The following SKIL variants were observed in gnomAD, a reference collection of about 807,000 sequenced individuals.
SKIL encodes the protein ski-like protein.
SKIL carries 20 observed loss-of-function variants against 69.6 expected under a neutral mutation model. The observed-to-expected ratio is 0.29, with a 90% CI of 0.20 to 0.42. SKIL has a LOEUF of 0.42. SKIL is among the 10% of genes least tolerant of loss of function. SKIL has a pLI of 1.00. For missense variants in SKIL, 745 were observed against 783.1 expected, an observed-to-expected ratio of 0.95 and a Z score of 0.58; for synonymous variants, 310 against 279.9, an observed-to-expected ratio of 1.11 and a Z score of -1.08.
chr3:170,367,218 C>T (rs1233599107), intron 2 of SKIL, among the ~76,000 whole-genome samples: 1 of 151,954 alleles, frequency 6.6e-6, no homozygotes, highest in South Asian at 2.1e-4. Context: ...ACGCCATTCT[C>T]CTGCCTCAGC....
chr3:170,362,389 G>A (rs1208133214), intron 2 of SKIL, among the ~76,000 whole-genome samples: 3 of 151,998 alleles, frequency 2.0e-5, no homozygotes, highest in Non-Finnish European at 2.9e-5. Flanking sequence ...TGTAATCCCA[G>A]CTACTCAGGA....
At position 170,365,707 on chromosome 3, in the gene SKIL, G is replaced by A. The variant is rs181370065; in HGVS notation, c.1098+4278G>A. On this transcript the variant is annotated intron_variant, in intron 2 of 6. Transcript: ENST00000259119. The stretch of plus-strand genomic sequence containing the variant: ...AGTCATTGAGTTGGTTGCCAAACAA[G>A]CCAAATTGACCCAGAGGGAGCTCAT... Among the ~76,000 whole-genome samples the A allele has an allele frequency of 1.2e-3, 175 of 149,298 alleles. 1 individual carries two copies. The highest frequency in any genetic ancestry group is 3.3e-3 in the Admixed American group (49 of 15,012).
Position 170,360,369 on chromosome 3 carries a change from G to T in SKIL, c.38G>T (p.Gly13Val), listed in dbSNP as rs1295772196. The change falls in exon 2 of 7, where the codon GGC (glycine) becomes GTC (valine). Residue 13 changes from glycine to valine, a missense_variant. Physicochemically the swap from Gly to Val is moderately radical, Grantham distance 109. Coordinates refer to ENST00000259119, the MANE Select transcript of SKIL (RefSeq NM_005414.5). ...NLQTNFSLVQ[G>V]STKKLNGMGD... Reference sequence around the variant, plus strand: ...CAGACAAATTTCTCCTTGGTTCAGGGCTCAACTAAAAAACTGAATGGGATG... The same window carrying T: ...CAGACAAATTTCTCCTTGGTTCAGGTCTCAACTAAAAAACTGAATGGGATG... The T allele has an allele frequency of 1.3e-6, 2 of 1,593,494 alleles. No homozygotes were observed. The highest frequency in any genetic ancestry group is 2.7e-5 in the African/African-American group (2 of 74,236).
In SKIL at chr3:170,361,424, T is replaced by C; in HGVS notation, c.1093T>C (p.Ser365Pro). 1 of 1,557,728 alleles carries C rather than the reference T, an allele frequency of 6.4e-7. No individual in the cohort carries two copies. The highest frequency in any genetic ancestry group is 8.6e-7 in the Non-Finnish European group (1 of 1,158,474). The change falls in exon 2 of 7, where the codon TCC becomes CCC. Residue 365 changes from serine to proline, a missense_variant. Ser to Pro is a moderately conservative substitution (Grantham distance 74, BLOSUM62 -1). Coordinates refer to ENST00000259119, the MANE Select transcript of SKIL (RefSeq NM_005414.5). ...FSMRSGKRNQSKTDAPSGMEL... is the reference protein window; with the variant it reads ...FSMRSGKRNQPKTDAPSGMEL... ...CATGAGAAGTGGAAAGAGAAATCAA[T>C]CCAAGGCAAGTTTTTTATATCAATT... is the stretch of plus-strand genomic sequence containing the variant.
intron 4 of SKIL, among the ~76,000 whole-genome samples, chr3:170,386,119 GTTTT>G (rs995960130): frequency 1.2e-4 from 18 of 148,892 alleles, no homozygotes; most frequent in African/African-American, 4.5e-4. Context: ...GGGTTTTCTG[GTTTT>G]TTTGTTTGTT....
At chr3:170,371,320 G>A (rs573595964) in intron 2 of SKIL, among the ~76,000 whole-genome samples, 8 of 152,156 alleles carry the variant, frequency 5.3e-5, no homozygotes, top group Admixed American at 5.2e-4. Context: ...GGCCAACATG[G>A]TGAAACCCCA....
At chr3:170,364,985 T>G (rs1446777928) in intron 2 of SKIL, among the ~76,000 whole-genome samples, 1 of 152,234 alleles carries the variant, frequency 6.6e-6, no homozygotes, top group Non-Finnish European at 1.5e-5. Flanking sequence ...TTTGAGAAAT[T>G]TAAAGGAATT....
rs143415309 is a variant in SKIL, at chr3:170,360,598, A to C, written c.267A>C (p.Thr89=). ...ATTTAAATCCCAGTTTGAAACACAC[A>C]TTGGCACAATTCCATTTAAGTAGTC... ...TLHLNPSLKH[T]LAQFHLSSQS... The change falls in exon 2 of 7, where the codon ACA becomes ACC. Residue 89 remains threonine, a synonymous_variant. Coordinates refer to ENST00000259119, the MANE Select transcript of SKIL (RefSeq NM_005414.5). 6.2e-7 allele frequency: 1 copy of C among 1,614,200 alleles called. No individual in the cohort carries two copies. The highest frequency in any genetic ancestry group is 2.2e-5 in the East Asian group (1 of 44,882).
chr3:170,364,740 A>G (rs1736420140), intron 2 of SKIL, among the ~76,000 whole-genome samples: 1 of 152,230 alleles, frequency 6.6e-6, no homozygotes, highest in Admixed American at 6.5e-5. Flanking sequence ...TTTAAAAAAA[A>G]AAAGATGATG....
Position 170,377,639 on chromosome 3 carries a change from T to A in SKIL, c.1099-3605T>A, listed in dbSNP as rs1385799693. On this transcript the variant is annotated intron_variant, in intron 2 of 6. Transcript: ENST00000259119. ...TCTCGGCTCACTGCAACCTCCGCCC[T>A]CTGAGTTCAAGCGATTCTCCTGCCT... Among the ~76,000 whole-genome samples the A allele has an allele frequency of 3.1e-5, 4 of 127,486 alleles. No individual in the cohort carries two copies. The East Asian group carries it at 1.1e-3, about 34-fold the overall frequency. The allele number at this position is 127,486 out of a possible 152,430, so 83.6% of individuals were successfully genotyped here.
At chr3:170,385,265 T>TG (rs974802866) in intron 4 of SKIL, among the ~76,000 whole-genome samples, 1 of 150,626 alleles carries the variant, frequency 6.6e-6, no homozygotes, top group Non-Finnish European at 1.5e-5. Flanking sequence ...AAATTTTTTT[T>TG]TTTTTTTTTG....
intron 3 of SKIL, among the ~76,000 whole-genome samples, chr3:170,382,636 C>T (rs1286076914): frequency 1.3e-5 from 2 of 151,796 alleles, no homozygotes; most frequent in Non-Finnish European, 1.5e-5. Flanking sequence ...TGGTTTTGAA[C>T]CTCAGGTGAT....
At chr3:170,383,870 A>G (rs1158576675) in intron 3 of SKIL, among the ~76,000 whole-genome samples, 2 of 152,040 alleles carry the variant, frequency 1.3e-5, no homozygotes, top group Non-Finnish European at 2.9e-5. Context: ...AAGTCCTCCA[A>G]AGTAGTTATA....
Position 170,381,341 on chromosome 3 carries a change from G to A in SKIL, c.1196G>A (p.Ser399Asn), listed in dbSNP as rs772271615. 1 of 1,437,148 alleles carries A rather than the reference G, an allele frequency of 7.0e-7. No individual in the cohort carries two copies. The highest frequency in any genetic ancestry group is 1.7e-5 in the Admixed American group (1 of 59,750). The allele number at this position is 1,437,148 out of a possible 1,614,324, so 89.0% of individuals were successfully genotyped here. A position where few individuals can be genotyped will look rare whatever the true frequency, so the allele number is the denominator to read the frequency against. ...CAGACACATTCATTTTTACACCCCA[G>A]GTGAGTTGGTATTTATTTGTTCGTT... ...VSQTHSFLHP[S>N]YYLYMCDKVV... Residue 399 changes from serine to asparagine, a missense_variant and splice_region_variant, in exon 3 of 7, where the codon AGC becomes AAC. Ser to Asn is a conservative substitution (Grantham distance 46, BLOSUM62 1). Transcript: ENST00000259119.
At chr3:170,371,345 A>G (rs1026309921) in intron 2 of SKIL, among the ~76,000 whole-genome samples, 2 of 151,982 alleles carry the variant, frequency 1.3e-5, no homozygotes, top group Non-Finnish European at 2.9e-5. Flanking sequence ...TACTAAAAAT[A>G]ATAATAAAAA....
intron 2 of SKIL, among the ~76,000 whole-genome samples, chr3:170,369,646 C>T (rs973424333): frequency 5.9e-5 from 9 of 152,092 alleles, no homozygotes; most frequent in Non-Finnish European, 1.0e-4. Context: ...AGGTGATCTG[C>T]CTGTCTCAGC....
chr3:170,361,388 G>A lies in SKIL; in HGVS notation c.1057G>A (p.Glu353Lys). The change falls in exon 2 of 7, where the codon GAG becomes AAG. Residue 353 changes from glutamate to lysine, a missense_variant. By Grantham distance (56) the Glu-to-Lys change is moderately conservative (BLOSUM62 1). Coordinates refer to ENST00000259119, the MANE Select transcript of SKIL (RefSeq NM_005414.5). ...GAAGATAATTTTAGAAGAAATGAAG[G>A]AGAAGTTTAGCATGAGAAGTGGAAA... The part of the protein sequence containing the change: ...KLKIILEEMK[E>K]KFSMRSGKRN... 1 of 1,598,532 alleles carries A rather than the reference G, an allele frequency of 6.3e-7. No homozygotes were observed. The highest frequency in any genetic ancestry group is 8.5e-7 in the Non-Finnish European group (1 of 1,175,412).
rs1455245914 is a variant in SKIL, at chr3:170,360,869, C to G, written c.538C>G (p.Leu180Val). 1.9e-6 allele frequency: 3 copies of G among 1,614,042 alleles called. No individual in the cohort carries two copies. Among genetic ancestry groups the G allele is most frequent in the Non-Finnish European group, 2.5e-6 (3 of 1,180,020 alleles). Residue 180 changes from leucine (L) to valine (V), a missense_variant, in exon 2 of 7, where the codon CTC (leucine) becomes GTC (valine). Leu to Val is a conservative substitution (Grantham distance 32). Transcript: ENST00000259119. The part of the protein sequence containing the change: ...VLNSVLREFT[L>V]QQINTVCDEL... ...AAATTCTGTTCTCCGAGAATTTACA[C>G]TCCAGCAAATAAATACAGTGTGTGA...
intron 2 of SKIL, among the ~76,000 whole-genome samples, chr3:170,370,081 T>C (rs2108901155): frequency 6.6e-6 from 1 of 151,192 alleles, no homozygotes; most frequent in South Asian, 2.1e-4. Context: ...CTACTAAAAA[T>C]ACAAAAAATT....
Sources: gnomAD v4.1 joint callset for allele counts (sites outside exome capture counted in the v4.1 genomes callset) on GRCh38, gnomAD v4.1.1 for gene constraint, MANE v1.5 for transcripts, NCBI Gene and HGNC (gene_info 2026-07-23, HGNC 2026-07-21) for gene names.